Variants in GABRA3 observed in about 807,000 individuals in gnomAD.
GABRA3 encodes the protein gamma-aminobutyric acid type A receptor subunit alpha3, also known as gamma-aminobutyric acid receptor subunit alpha-3.
A neutral mutation model predicts 30.1 loss-of-function variants in GABRA3; 10 were observed. The observed-to-expected ratio is 0.33, with a 90% confidence interval of 0.20 to 0.56. The LOEUF (loss-of-function observed/expected upper bound fraction) is 0.56, where lower values mean the gene tolerates loss of function less well. Ranked by LOEUF, GABRA3 falls within the 20% of genes least tolerant of loss-of-function variation. GABRA3 has a pLI of 0.89. For synonymous variants in GABRA3, 151 were observed against 146.8 expected (o/e 1.03, Z -0.21); for missense variants, 233 against 392.0 (o/e 0.59, Z 3.42).
At chrX:152,227,166 A>C (rs1218948926) in intron 5 of GABRA3, among the ~76,000 whole-genome samples, 1 of 109,640 alleles carries the variant, frequency 9.1e-6, no homozygotes, top group Non-Finnish European at 1.9e-5. Flanking sequence ...GATTAAGAAA[A>C]TGTGGCACAT....
chrX:152,264,203 G>T (rs1286898380), intron 4 of GABRA3, among the ~76,000 whole-genome samples: 1 of 111,578 alleles, frequency 9.0e-6, no homozygotes, highest in African/African-American at 3.2e-5. Context: ...CATTGCAGCT[G>T]TGCTGTGTAA....
At chrX:152,314,353 G>A (rs1036260392) in intron 3 of GABRA3, among the ~76,000 whole-genome samples, 1 of 111,738 alleles carries the variant, frequency 8.9e-6, no homozygotes, top group Non-Finnish European at 1.9e-5. Flanking sequence ...AATAATTGCT[G>A]AATTGGATAA....
At chrX:152,339,108 A>G (rs1940276780) in intron 3 of GABRA3, among the ~76,000 whole-genome samples, 1 of 111,337 alleles carries the variant, frequency 9.0e-6, no homozygotes, top group Non-Finnish European at 1.9e-5. Context: ...TGAGTCTGTA[A>G]ATTGCTTTGG....
chrX:152,277,900 G>A (rs888252146), intron 4 of GABRA3, among the ~76,000 whole-genome samples: 1 of 111,366 alleles, frequency 9.0e-6, no homozygotes, highest in Non-Finnish European at 1.9e-5. Context: ...CCCAGATAAA[G>A]CCTGCAAAGT....
intron 2 of GABRA3, among the ~76,000 whole-genome samples, chrX:152,354,710 AG>A (rs1054091832): frequency 1.6e-4 from 18 of 111,463 alleles, no homozygotes; most frequent in African/African-American, 5.2e-4. Context: ...TAACCCCTGG[AG>A]CTATGCCCTG....
chrX:152,199,178 AAC>A (rs1937435657), intron 7 of GABRA3, among the ~76,000 whole-genome samples: 2 of 109,929 alleles, frequency 1.8e-5, no homozygotes, highest in Non-Finnish European at 1.9e-5. Flanking sequence ...CATCCTGGCT[AAC>A]ATGGTGAAAC....
At chrX:152,436,324 T>C (rs1930775601) in intron 1 of GABRA3, among the ~76,000 whole-genome samples, 1 of 112,082 alleles carries the variant, frequency 8.9e-6, no homozygotes, top group South Asian at 3.7e-4. Flanking sequence ...TTTCTCAACC[T>C]CAACAATATT....
chrX:152,327,772 T>A (rs1277661052), intron 3 of GABRA3, among the ~76,000 whole-genome samples: 1 of 111,453 alleles, frequency 9.0e-6, no homozygotes, highest in Non-Finnish European at 1.9e-5. Context: ...ATTGACACCC[T>A]AACATCACAA....
At chrX:152,368,505 G>GT (rs1928719812) in intron 1 of GABRA3, among the ~76,000 whole-genome samples, 1 of 110,442 alleles carries the variant, frequency 9.1e-6, no homozygotes, top group Non-Finnish European at 1.9e-5. Context: ...ATTCCATTGT[G>GT]TATGTATACC....
rs550582338 is a variant in GABRA3, at chrX:152,418,054, A to G, written c.-27+33092T>C. Among the ~76,000 whole-genome samples the G allele has an allele frequency of 7.2e-5, 8 of 111,181 alleles. No individual in the cohort carries two copies. The South Asian group carries it at 3.0e-3, about 42-fold the overall frequency. On this transcript the variant is annotated intron_variant, in intron 1 of 9. Transcript: ENST00000370314. ...AAAAAGAAGAAAAAAAAGAAAAAAA[A>G]TGAAAAAATAGATATTATAGAATTA...
At chrX:152,406,954 A>T (rs1035658183) in intron 1 of GABRA3, among the ~76,000 whole-genome samples, 3 of 112,199 alleles carry the variant, frequency 2.7e-5, no homozygotes, top group African/African-American at 9.7e-5. Flanking sequence ...GGAATTTTGG[A>T]AGTATACAAA....
At chrX:152,446,989 T>C (rs1056247228) in intron 1 of GABRA3, among the ~76,000 whole-genome samples, 2 of 111,835 alleles carry the variant, frequency 1.8e-5, no homozygotes, top group African/African-American at 6.5e-5. Flanking sequence ...ACTCAAAGTT[T>C]GTCTCATCTT....
chrX:152,419,293 CAAAAT>C (rs1930316575), intron 1 of GABRA3, among the ~76,000 whole-genome samples: 1 of 107,618 alleles, frequency 9.3e-6, no homozygotes, highest in African/African-American at 3.4e-5. Context: ...AAGTATAATA[CAAAAT>C]AAAATAAAAA....
At chrX:152,299,290 G>A (rs1939589588) in intron 3 of GABRA3, among the ~76,000 whole-genome samples, 1 of 111,858 alleles carries the variant, frequency 8.9e-6, no homozygotes, top group Non-Finnish European at 1.9e-5. Context: ...CTGGAAGCAG[G>A]GTGAGTGCTT....
intron 7 of GABRA3, among the ~76,000 whole-genome samples, chrX:152,201,293 G>C (rs141004768): frequency 5.7e-4 from 64 of 111,739 alleles, no homozygotes; most frequent in African/African-American, 2.0e-3. Flanking sequence ...CCACCCTTTT[G>C]TCCCAGCTTA....
At chrX:152,226,430 T>C (rs1235607919) in intron 5 of GABRA3, among the ~76,000 whole-genome samples, 1 of 111,538 alleles carries the variant, frequency 9.0e-6, no homozygotes. Flanking sequence ...ATAAAAACCC[T>C]AGAAGAAAAC....
At chrX:152,338,147 C>A (rs1208085035) in intron 3 of GABRA3, among the ~76,000 whole-genome samples, 1 of 111,916 alleles carries the variant, frequency 8.9e-6, no homozygotes, top group Non-Finnish European at 1.9e-5. Flanking sequence ...ACATTCCACT[C>A]AACAGTGCCC....
At chrX:152,268,231 T>C (rs901257014) in intron 4 of GABRA3, among the ~76,000 whole-genome samples, 4 of 111,851 alleles carry the variant, frequency 3.6e-5, no homozygotes, top group African/African-American at 1.3e-4. Flanking sequence ...TGATAAGGTT[T>C]TGCTCTGTGT....
intron 1 of GABRA3, among the ~76,000 whole-genome samples, chrX:152,444,732 G>GTTTTTTTTTTTTTTTTTTTTTTTTT (rs1372058269): frequency 3.0e-4 from 7 of 23,202 alleles, no homozygotes; most frequent in East Asian, 1.4e-3. Flanking sequence ...TAATACTTGT[G>GTTTTTTTTTTTTTTTTTTTTTTTTT]TGTTTTTTTT....
Sources: gnomAD v4.1 joint callset for allele counts (sites outside exome capture counted in the v4.1 genomes callset) on GRCh38, gnomAD v4.1.1 for gene constraint, MANE v1.5 for transcripts, NCBI Gene and HGNC (gene_info 2026-07-23, HGNC 2026-07-21) for gene names.